The following RYR3 variants were observed in gnomAD, a reference collection of about 807,000 sequenced individuals.
RYR3 encodes ryanodine receptor 3.
In RYR3, 207 loss-of-function variants were observed where a neutral mutation model predicts 584.3. The ratio of observed to expected loss-of-function variants is 0.35; its 90% CI spans 0.32 to 0.40. The LOEUF (loss-of-function observed/expected upper bound fraction) is 0.40. RYR3 is among the 10% of genes least tolerant of loss of function. The pLI is 1.00. For synonymous variants in RYR3, 2,416 were observed against 2,248.5 expected (o/e 1.07, Z -2.11); for missense variants, 5,616 against 6,089.2 (o/e 0.92, Z 2.59).
intron 18 of RYR3, among the ~76,000 whole-genome samples, chr15:33,604,889 C>A (rs1341045506): frequency 6.6e-6 from 1 of 152,202 alleles, no homozygotes; most frequent in Admixed American, 6.5e-5. Context: ...TTTGCGGCTC[C>A]TGAGTGTGGT....
At chr15:33,578,157 T>C (rs1033741802) in intron 12 of RYR3, among the ~76,000 whole-genome samples, 5 of 152,150 alleles carry the variant, frequency 3.3e-5, no homozygotes, top group African/African-American at 1.2e-4. Context: ...AAACTATCGG[T>C]AGGAATGTAA....
intron 1 of RYR3, among the ~76,000 whole-genome samples, chr15:33,370,025 C>G (rs2040214251): frequency 6.6e-6 from 1 of 152,190 alleles, no homozygotes; most frequent in Admixed American, 6.5e-5. Flanking sequence ...TTAAGGGACA[C>G]TTTCAGCCAT....
At chr15:33,534,520 T>A (rs975884160) in intron 5 of RYR3, among the ~76,000 whole-genome samples, 2 of 150,748 alleles carry the variant, frequency 1.3e-5, no homozygotes, top group African/African-American at 2.5e-5. Flanking sequence ...TTATTATTAT[T>A]TTTTTTTTAG....
intron 1 of RYR3, among the ~76,000 whole-genome samples, chr15:33,451,319 C>G (rs111485968): frequency 0.025 from 3,760 of 152,228 alleles, 98 homozygotes; most frequent in African/African-American, 0.066. Context: ...ACCCCTTCCC[C>G]ACTTATCTTT....
Position 33,669,379 on chromosome 15 carries a change from T to C in RYR3, c.5645T>C (p.Leu1882Pro). 2 of 1,613,972 alleles carry C rather than the reference T, an allele frequency of 1.2e-6. No individual in the cohort carries two copies. Among genetic ancestry groups the C allele is most frequent in the South Asian group, 1.1e-5 (1 of 91,070 alleles). The change falls in exon 37 of 104, where the codon CTG (leucine) becomes CCG (proline). Residue 1882 changes from leucine to proline, a missense_variant. By Grantham distance (98) the Leu-to-Pro change is moderately conservative. This residue lies in a region of RYR3 where 1,280 missense variants were observed against 1,426.2 expected (regional missense o/e 0.90). Transcript: ENST00000634891. ...ATCAACATGCTGCTTAACTTTCAAC[T>C]GGGAGAGAACTGCCCCTGCCCAGAG... Reference protein sequence around the residue: ...EQINMLLNFQLGENCPCPEEI... With the variant: ...EQINMLLNFQPGENCPCPEEI...
At chr15:33,861,869 C>T (rs1419514471) in intron 102 of RYR3, among the ~76,000 whole-genome samples, 1 of 152,100 alleles carries the variant, frequency 6.6e-6, no homozygotes, top group Admixed American at 6.5e-5. Context: ...AGGTGATCTG[C>T]CTGCCTCGGC....
intron 93 of RYR3, among the ~76,000 whole-genome samples, chr15:33,846,553 C>A (rs1358452664): frequency 6.6e-6 from 1 of 152,126 alleles, no homozygotes; most frequent in African/African-American, 2.4e-5. Context: ...TACAGCAAGC[C>A]ATCTTCTTCC....
At chr15:33,759,469 A>G (rs1230626009) in intron 60 of RYR3, among the ~76,000 whole-genome samples, 1 of 152,216 alleles carries the variant, frequency 6.6e-6, no homozygotes, top group Non-Finnish European at 1.5e-5. Context: ...GATGGAGCTG[A>G]AAAACACAGC....
rs141669462 is a variant in RYR3 at position 33,861,027 on chromosome 15, C to G, written c.14365-51C>G. 2.7e-3 allele frequency: 3,544 copies of G among 1,315,072 alleles called. 10 individuals carry two copies. The highest frequency in any genetic ancestry group is 3.4e-3 in the Non-Finnish European group (3,195 of 931,216). The allele number at this position is 1,315,072 out of a possible 1,614,324, so 81.5% of individuals were successfully genotyped here. On this transcript the variant is annotated intron_variant, in intron 101 of 103. Transcript: ENST00000634891. ...CGATAGAATCATGACAGTTTTCTCT[C>G]CTGCCTATATTATGCCAACAAATGC...
intron 1 of RYR3, among the ~76,000 whole-genome samples, chr15:33,446,050 G>A (rs1033861637): frequency 1.3e-5 from 2 of 152,264 alleles, no homozygotes; most frequent in African/African-American, 2.4e-5. Flanking sequence ...GAGGATAATG[G>A]AGGCAATTTC....
At chr15:33,820,983 C>T (rs1418197909) in intron 78 of RYR3, among the ~76,000 whole-genome samples, 171 bp downstream of exon 78, 9 of 150,928 alleles carry the variant, frequency 6.0e-5, no homozygotes, top group Non-Finnish European at 1.3e-4. Flanking sequence ...AAAACAAACA[C>T]ATTTTAATGT....
At chr15:33,827,369 C>A in intron 85 of RYR3, 82 bp downstream of exon 85, 3 of 1,272,670 alleles carry the variant, frequency 2.4e-6, no homozygotes, top group Non-Finnish European at 3.4e-6. Flanking sequence ...TCAGGGACAG[C>A]CCAGGATACA....
intron 69 of RYR3, 89 bp from the exon 70 acceptor site, chr15:33,807,466 T>C: frequency 1.6e-6 from 2 of 1,278,422 alleles, no homozygotes. Context: ...TAAGAAGCTA[T>C]AACTAACATA....
chr15:33,418,642 A>G (rs1361055842), intron 1 of RYR3, among the ~76,000 whole-genome samples: 1 of 152,186 alleles, frequency 6.6e-6, no homozygotes, highest in Non-Finnish European at 1.5e-5. Flanking sequence ...ATAAGCAGTG[A>G]CATCAAATTT....
chr15:33,552,001 T>A (rs182559809), intron 10 of RYR3, among the ~76,000 whole-genome samples: 1 of 152,336 alleles, frequency 6.6e-6, no homozygotes, highest in Admixed American at 6.5e-5. Context: ...AGCAAGTGTT[T>A]TCCTAAGAAT....
intron 2 of RYR3, among the ~76,000 whole-genome samples, chr15:33,488,022 A>G (rs1460733690): frequency 6.6e-6 from 1 of 152,202 alleles, no homozygotes; most frequent in African/African-American, 2.4e-5. Flanking sequence ...TGTATTTGTC[A>G]TTTGTTGAAC....
intron 1 of RYR3, among the ~76,000 whole-genome samples, chr15:33,348,016 T>A (rs1000187926): frequency 1.3e-5 from 2 of 152,130 alleles, no homozygotes; most frequent in Non-Finnish European, 2.9e-5. Context: ...GAGTAGTATA[T>A]ACATACATCT....
intron 1 of RYR3, among the ~76,000 whole-genome samples, chr15:33,460,762 T>A (rs1360283274): frequency 1.3e-5 from 2 of 151,808 alleles, no homozygotes; most frequent in African/African-American, 4.9e-5. Flanking sequence ...GGAACAGAAT[T>A]TTTAGGAGTT....
intron 31 of RYR3, among the ~76,000 whole-genome samples, chr15:33,650,352 G>A (rs2062394378): frequency 6.6e-6 from 1 of 151,998 alleles, no homozygotes; most frequent in South Asian, 2.1e-4. Flanking sequence ...ACTCCATCCT[G>A]GCAACAGAGC....
Sources: allele counts gnomAD v4.1 joint callset (sites outside exome capture counted in the v4.1 genomes callset), GRCh38; gene constraint gnomAD v4.1.1; regional missense constraint gnomAD v4.1.1; transcripts MANE v1.5; gene names NCBI Gene and HGNC (gene_info 2026-07-23, HGNC 2026-07-21).